Variants in CAPN2 observed in about 807,000 individuals in gnomAD.
CAPN2 encodes the protein calpain-2 catalytic subunit.
A neutral mutation model predicts 102.3 loss-of-function variants in CAPN2; 92 were observed. The observed-to-expected ratio is 0.90, with a 90% CI of 0.76 to 1.07. The LOEUF is 1.07. Ranked by LOEUF, CAPN2 falls within the 50% of genes least tolerant of loss-of-function variation. The probability of loss-of-function intolerance (pLI) is 0.00; values close to 1 mark genes in which losing one functional copy is unlikely to be tolerated. For synonymous variants in CAPN2, 340 were observed against 355.4 expected (o/e 0.96, Z 0.49); for missense variants, 800 against 909.4 (o/e 0.88, Z 1.55).
intron 1 of CAPN2, among the ~76,000 whole-genome samples, chr1:223,714,097 T>C (rs1659810554): frequency 6.6e-6 from 1 of 152,158 alleles, no homozygotes; most frequent in Non-Finnish European, 1.5e-5. Flanking sequence ...CATGTTCCCT[T>C]CCTAAAGAGG....
rs187928482 is a variant in CAPN2, at chr1:223,764,060, G to A, written c.1633-90G>A. ...GAAATGCACATTCATAGGCCCCACCGCAGGCCTACCTAATGCACTGGTGTC... is the reference window on the plus strand; with the variant it reads ...GAAATGCACATTCATAGGCCCCACCACAGGCCTACCTAATGCACTGGTGTC... On this transcript the variant is annotated intron_variant, in intron 14 of 20. Transcript: ENST00000295006. 293 of 994,988 alleles carry A rather than the reference G, an allele frequency of 2.9e-4. No individual in the cohort carries two copies. The African/African-American group carries it at 4.2e-3, about 14-fold the overall frequency. 61.6% of individuals were successfully genotyped at this position (994,988 alleles called of 1,614,324 possible). A position where few individuals can be genotyped will look rare whatever the true frequency, so the allele number is the denominator to read the frequency against.
At chr1:223,736,331 G>A (rs541583279) in intron 2 of CAPN2, among the ~76,000 whole-genome samples, 1 of 152,300 alleles carries the variant, frequency 6.6e-6, no homozygotes, top group East Asian at 1.9e-4. Context: ...AGGAACCCCA[G>A]GAGGATGGCA....
At chr1:223,706,384 A>G (rs1289743672) in intron 1 of CAPN2, among the ~76,000 whole-genome samples, 1 of 152,228 alleles carries the variant, frequency 6.6e-6, no homozygotes, top group Non-Finnish European at 1.5e-5. Flanking sequence ...GAAGAGAAAG[A>G]AATCTCTTTT....
rs534061635 is a variant in CAPN2 at position 223,725,553 on chromosome 1, C to T, written c.307+7722C>T. On this transcript the variant is annotated intron_variant, in intron 2 of 20. Transcript: ENST00000295006. The surrounding 1 kb of genome is among the most constrained non-coding windows in gnomAD (Gnocchi z 4.1). The stretch of plus-strand genomic sequence containing the variant: ...GGAGGGGAGTACTGTCAAATGAGGT[C>T]GCGTCGCTGAGGTGGAGACACATTG... Among the ~76,000 whole-genome samples the T allele has an allele frequency of 2.8e-4, 43 of 152,196 alleles. No homozygotes were observed. Among genetic ancestry groups the T allele is most frequent in the Middle Eastern group, 6.8e-3 (2 of 294 alleles).
At chr1:223,732,114 C>T (rs144111570) in intron 2 of CAPN2, among the ~76,000 whole-genome samples, 13 of 151,972 alleles carry the variant, frequency 8.6e-5, no homozygotes, top group Non-Finnish European at 1.6e-4. Context: ...TGTGGGGTCA[C>T]GGTGTGGGGG....
In CAPN2 at chr1:223,754,867, G is replaced by A. The variant is rs1239983072; in HGVS notation, c.1136-613G>A. Among the ~76,000 whole-genome samples the A allele has an allele frequency of 6.6e-6, 1 of 152,028 alleles. No homozygotes were observed. The highest frequency in any genetic ancestry group is 1.5e-5 in the Non-Finnish European group (1 of 67,998). On this transcript the variant is annotated intron_variant, in intron 9 of 20. Coordinates refer to ENST00000295006, the MANE Select transcript of CAPN2 (RefSeq NM_001748.5). The surrounding 1 kb of genome is among the most constrained non-coding windows in gnomAD (Gnocchi z 4.7). ...GATCCCGGAGTCCCCCAGGCCAGCC[G>A]AGCCCCGCCCCAGGCTCCCCATCAG...
chr1:223,728,913 A>AT (rs1558063438), intron 2 of CAPN2, among the ~76,000 whole-genome samples: 1 of 152,228 alleles, frequency 6.6e-6, no homozygotes, highest in Non-Finnish European at 1.5e-5. Flanking sequence ...TTTACTGGGC[A>AT]TCTGTTATAG....
chr1:223,750,789 C>T (rs1660866742), intron 6 of CAPN2, 101 bp from the exon 7 acceptor site: 1 of 1,080,758 alleles, frequency 9.3e-7, no homozygotes, highest in African/African-American at 1.6e-5. Flanking sequence ...GTCCTCAGCC[C>T]CATACCTCCT....
intron 5 of CAPN2, among the ~76,000 whole-genome samples, 161 bp downstream of exon 5, chr1:223,747,326 C>T (rs1196777822): frequency 3.3e-5 from 5 of 152,138 alleles, no homozygotes; most frequent in African/African-American, 1.2e-4. Context: ...TGAAGGTCCG[C>T]TGAAAATCAA....
At position 223,755,623 on chromosome 1, in the gene CAPN2, C is replaced by T. The variant is rs776044674; in HGVS notation, c.1279C>T (p.His427Tyr). Residue 427 changes from histidine (H) to tyrosine (Y), a missense_variant, in exon 10 of 21, where the codon CAC becomes TAC. His to Tyr is a moderately conservative substitution (Grantham distance 83, BLOSUM62 2). Coordinates refer to ENST00000295006, the MANE Select transcript of CAPN2 (RefSeq NM_001748.5). The surrounding 1 kb of genome is among the most constrained non-coding windows in gnomAD (Gnocchi z 4.1). Reference sequence around the variant, plus strand: ...GCAGAGGAAGATGGGCGAGGACATGCACACCATCGGCTTTGGCATCTATGA... The same window carrying T: ...GCAGAGGAAGATGGGCGAGGACATGTACACCATCGGCTTTGGCATCTATGA... ...RRQRKMGEDM[H>Y]TIGFGIYEVP... 33 of 1,605,702 alleles carry T rather than the reference C, an allele frequency of 2.1e-5. No homozygotes were observed. Among genetic ancestry groups the T allele is most frequent in the Middle Eastern group, 1.9e-4 (1 of 5,366 alleles).
intron 2 of CAPN2, among the ~76,000 whole-genome samples, chr1:223,721,539 A>G (rs139569050): frequency 1.3e-5 from 2 of 152,304 alleles, no homozygotes; most frequent in Non-Finnish European, 2.9e-5. Context: ...TTGAAACAGC[A>G]CACCCCCATT....
At chr1:223,745,041 C>CAAA (rs35193281) in intron 3 of CAPN2, among the ~76,000 whole-genome samples, 1 of 109,390 alleles carries the variant, frequency 9.1e-6, no homozygotes, top group Non-Finnish European at 2.2e-5. Context: ...GACTTGGTCT[C>CAAA]AAAAAAAAAA....
At position 223,739,195 on chromosome 1, in the gene CAPN2, T is replaced by TA. The variant is rs532083515; in HGVS notation, c.308-4905_308-4904insA. On this transcript the variant is annotated intron_variant, in intron 2 of 20. Transcript: ENST00000295006. ...AAGCATAAACAGATTTTTTTTTTTTTTTTTTTTAGACAGAGTCTCACTCTG... is the reference window on the plus strand; with the variant it reads ...AAGCATAAACAGATTTTTTTTTTTTTATTTTTTTAGACAGAGTCTCACTCTG... Among the ~76,000 whole-genome samples, 733 of 151,270 alleles carry TA rather than the reference T, an allele frequency of 4.8e-3. 5 individuals are homozygous for TA. Among genetic ancestry groups the TA allele is most frequent in the Non-Finnish European group, 7.0e-3 (476 of 67,678 alleles).
intron 1 of CAPN2, among the ~76,000 whole-genome samples, chr1:223,704,232 G>A (rs944650774): frequency 1.3e-5 from 2 of 152,036 alleles, no homozygotes; most frequent in Non-Finnish European, 2.9e-5. Context: ...TAGAGGTCGC[G>A]GTGAGTCGAG....
chr1:223,712,959 G>C (rs1054888866), intron 1 of CAPN2, 82 bp downstream of exon 1: 3 of 1,045,240 alleles, frequency 2.9e-6, no homozygotes, highest in Non-Finnish European at 3.7e-6. Flanking sequence ...GCGCTGGGGC[G>C]GGGGGCAGCC....
At chr1:223,730,714 A>G (rs2102784992) in intron 2 of CAPN2, among the ~76,000 whole-genome samples, 1 of 152,308 alleles carries the variant, frequency 6.6e-6, no homozygotes, top group African/African-American at 2.4e-5. Flanking sequence ...AAAATGAGGC[A>G]TGACGGACCT....
chr1:223,727,393 G>A lies in CAPN2; in HGVS notation c.307+9562G>A, dbSNP rs565440212. On this transcript the variant is annotated intron_variant, in intron 2 of 20. Coordinates refer to ENST00000295006, the MANE Select transcript of CAPN2 (RefSeq NM_001748.5). This position sits in a 1 kb window ranked among gnomAD's most constrained non-coding sequence, Gnocchi z 4.1. The stretch of plus-strand genomic sequence containing the variant: ...CCTTGGCCTCTACCCACACACCCCC[G>A]TGTGCCACTCAAAAATGTCTGCAGA... Among the ~76,000 whole-genome samples, 4 of 152,276 alleles carry A rather than the reference G, an allele frequency of 2.6e-5. No homozygotes were observed. The East Asian group carries it at 5.8e-4, about 22-fold the overall frequency.
chr1:223,767,196 TTTA>T (rs199963794), intron 16 of CAPN2, among the ~76,000 whole-genome samples: 16,972 of 151,644 alleles, frequency 0.11, 1,100 homozygotes, highest in African/African-American at 0.18. Flanking sequence ...TTATTTATTT[TTTA>T]TTATTATACT....
upstream of CAPN2, among the ~76,000 whole-genome samples, chr1:223,710,743 G>C (rs1558378068): frequency 6.6e-6 from 1 of 152,072 alleles, no homozygotes; most frequent in Non-Finnish European, 1.5e-5. Context: ...TGGGCCTTTA[G>C]ACAAACTCAA....
Sources: gnomAD v4.1 joint callset for allele counts (sites outside exome capture counted in the v4.1 genomes callset) on GRCh38, gnomAD v4.1.1 for gene constraint, Gnocchi (gnomAD v3.1) non-coding constraint, MANE v1.5 for transcripts, NCBI Gene and HGNC (gene_info 2026-07-23, HGNC 2026-07-21) for gene names.